The following RHOG variants were observed in gnomAD, a reference collection of about 807,000 sequenced individuals.
The protein encoded by RHOG is rho-related GTP-binding protein RhoG.
In RHOG, 1 loss-of-function variant was observed where a neutral mutation model predicts 12.3. The observed-to-expected ratio is 0.08, with a 90% CI of 0.03 to 0.39. The LOEUF (loss-of-function observed/expected upper bound fraction) is 0.39, where lower values mean the gene tolerates loss of function less well. RHOG is among the 10% of genes least tolerant of loss of function. RHOG has a pLI of 0.99. For synonymous variants in RHOG, 129 were observed against 116.0 expected (o/e 1.11, Z -0.72); for missense variants, 114 against 266.2 (o/e 0.43, Z 3.98).
intron 1 of RHOG, chr11:3,837,844 C>T (rs1772366233): frequency 6.6e-6 from 1 of 152,250 alleles, no homozygotes; most frequent in South Asian, 2.1e-4. Context: ...GCTCTCATGC[C>T]TAGCCCATCC....
intron 1 of RHOG, among the ~76,000 whole-genome samples, chr11:3,833,097 C>CTGTTT (rs1441449556): frequency 6.6e-6 from 1 of 152,012 alleles, no homozygotes; most frequent in Non-Finnish European, 1.5e-5. Context: ...GGTTGCCAAT[C>CTGTTT]TGTTTTGTTT....
At position 3,827,520 on chromosome 11, in the gene RHOG, G is replaced by T; in HGVS notation, c.*43C>A. The T allele has an allele frequency of 6.6e-7, 1 of 1,519,576 alleles. No individual in the cohort carries two copies. Among genetic ancestry groups the T allele is most frequent in the South Asian group, 1.1e-5 (1 of 87,018 alleles). The allele number at this position is 1,519,576 out of a possible 1,614,324, so 94.1% of individuals were successfully genotyped here. ...GCGGACAAGGCACCAAGGCACAACT[G>T]GTGGGGGGAGGGCAGGGGCAGCCTC... On this transcript the variant is annotated 3_prime_UTR_variant, in exon 2 of 2. Coordinates refer to ENST00000351018, the MANE Select transcript of RHOG (RefSeq NM_001665.4). This position sits in a 1 kb window ranked among gnomAD's most constrained non-coding sequence, Gnocchi z 7.3.
intron 1 of RHOG, among the ~76,000 whole-genome samples, chr11:3,837,519 G>C (rs57000758): frequency 0.13 from 19,903 of 152,108 alleles, 1,401 homozygotes; most frequent in Middle Eastern, 0.18. Flanking sequence ...CAGTCTCTTG[G>C]GGGAGGAAGA....
chr11:3,836,845 G>A (rs997231244), intron 1 of RHOG, among the ~76,000 whole-genome samples: 49 of 141,118 alleles, frequency 3.5e-4, no homozygotes, highest in Non-Finnish European at 1.4e-4. Flanking sequence ...GGAGGTTGTG[G>A]TGAGCTGAGA....
Position 3,829,252 on chromosome 11 carries a change from T to A in RHOG, c.-68-1046A>T, listed in dbSNP as rs371628771. Among the ~76,000 whole-genome samples the A allele has an allele frequency of 2.4e-3, 358 of 147,076 alleles. 4 individuals are homozygous for A. The highest frequency in any genetic ancestry group is 0.01 in the Middle Eastern group (3 of 288). On this transcript the variant is annotated intron_variant, in intron 1 of 1. Transcript: ENST00000351018. ...AGGGTATTCTGGCAATGGGGAAATTTTTTTTTTTTTTTTTTTTTGAGATGG... is the reference window on the plus strand; with the variant it reads ...AGGGTATTCTGGCAATGGGGAAATTATTTTTTTTTTTTTTTTTTGAGATGG...
chr11:3,829,182 TGAG>T (rs1212029615), intron 1 of RHOG, among the ~76,000 whole-genome samples: 1 of 151,836 alleles, frequency 6.6e-6, no homozygotes, highest in Non-Finnish European at 1.5e-5. Flanking sequence ...AGAAACCTGC[TGAG>T]TAAGGGGCTC....
At chr11:3,839,428 G>A (rs1784465692) in intron 1 of RHOG, among the ~76,000 whole-genome samples, 1 of 151,894 alleles carries the variant, frequency 6.6e-6, no homozygotes, top group South Asian at 2.1e-4. Flanking sequence ...TCAAGGCTGA[G>A]GGCAGTTATT....
rs778282172 is a variant in RHOG at position 3,827,842 on chromosome 11, T to C, written c.297A>G (p.Pro99=). The C allele has an allele frequency of 3.0e-5, 49 of 1,614,042 alleles. No homozygotes were observed. The highest frequency in any genetic ancestry group is 3.9e-5 in the Non-Finnish European group (46 of 1,180,004). ...CATCAGGGCAGTGGTGGCACACCTC[T>C]GGATGCCACTTGTGCCGCACGTTCT... ...SYENVRHKWH[P]EVCHHCPDVP... Residue 99 remains proline (P), a synonymous_variant, in exon 2 of 2, where the codon CCA becomes CCG. Coordinates refer to ENST00000351018, the MANE Select transcript of RHOG (RefSeq NM_001665.4). The surrounding 1 kb of genome is among the most constrained non-coding windows in gnomAD (Gnocchi z 7.3).
At position 3,828,065 on chromosome 11, in the gene RHOG, G is replaced by C. The variant is rs750677069; in HGVS notation, c.74C>G (p.Thr25Ser). Reference protein sequence around the residue: ...GKTCLLICYTTNAFPKEYIPT... With the variant: ...GKTCLLICYTSNAFPKEYIPT... ...GATGTACTCTTTGGGGAAAGCGTTA[G>C]TTGTGTAGCAGATGAGCAGGCACGT... is the stretch of plus-strand genomic sequence containing the variant. Residue 25 changes from threonine (T) to serine (S), a missense_variant, in exon 2 of 2, where the codon ACT becomes AGT. Physicochemically the swap from Thr to Ser is moderately conservative, Grantham distance 58 (BLOSUM62 1). Transcript: ENST00000351018. 3 of 1,614,164 alleles carry C rather than the reference G, an allele frequency of 1.9e-6. No homozygotes were observed. The East Asian group carries it at 6.7e-5, about 36-fold the overall frequency.
intron 1 of RHOG, among the ~76,000 whole-genome samples, chr11:3,831,995 C>G (rs1451720): frequency 0.64 from 97,633 of 151,866 alleles, 31,421 homozygotes; most frequent in Middle Eastern, 0.69. Flanking sequence ...GGAAGGACAG[C>G]GTAGCTTCCG....
At chr11:3,829,042 G>T (rs970125814) in intron 1 of RHOG, among the ~76,000 whole-genome samples, 1 of 151,556 alleles carries the variant, frequency 6.6e-6, no homozygotes, top group South Asian at 2.1e-4. Context: ...AAAGTGTTTT[G>T]GCACAGGACA....
chr11:3,827,454 TG>T lies in RHOG; in HGVS notation c.*108del. 2 of 884,218 alleles carry T rather than the reference TG, an allele frequency of 2.3e-6. No homozygotes were observed. The highest frequency in any genetic ancestry group is 1.7e-6 in the Non-Finnish European group (1 of 583,358). 54.8% of individuals were successfully genotyped at this position (884,218 alleles called of 1,614,324 possible). ...AGAAAAAGGCATTCAGGGAACCCCC[TG>T]GAAAGGGGTGCCAGAATTAGTCCTT... On this transcript the variant is annotated 3_prime_UTR_variant, in exon 2 of 2. Coordinates refer to ENST00000351018, the MANE Select transcript of RHOG (RefSeq NM_001665.4). This position sits in a 1 kb window ranked among gnomAD's most constrained non-coding sequence, Gnocchi z 7.3.
chr11:3,838,241 A>G (rs1227441322), intron 1 of RHOG, among the ~76,000 whole-genome samples: 2 of 152,060 alleles, frequency 1.3e-5, no homozygotes, highest in Non-Finnish European at 2.9e-5. Flanking sequence ...TTACCCCCCA[A>G]TATTTTCCCA....
Position 3,827,494 on chromosome 11 carries a change from G to A in RHOG, c.*69C>T, listed in dbSNP as rs933842080. 3.0e-6 allele frequency: 4 copies of A among 1,312,542 alleles called. No homozygotes were observed. Among genetic ancestry groups the A allele is most frequent in the Non-Finnish European group, 4.3e-6 (4 of 937,554 alleles). 81.3% of individuals were successfully genotyped at this position (1,312,542 alleles called of 1,614,324 possible). On this transcript the variant is annotated 3_prime_UTR_variant, in exon 2 of 2. Coordinates refer to ENST00000351018, the MANE Select transcript of RHOG (RefSeq NM_001665.4). The surrounding 1 kb of genome is among the most constrained non-coding windows in gnomAD (Gnocchi z 7.3). ...GAATTAGTCCTTAAGGCACAGCTGA[G>A]GCGGACAAGGCACCAAGGCACAACT...
intron 1 of RHOG, among the ~76,000 whole-genome samples, chr11:3,836,901 T>C (rs1258566801): frequency 7.1e-5 from 2 of 28,318 alleles, no homozygotes; most frequent in African/African-American, 2.4e-4. Flanking sequence ...AGACTCCATC[T>C]CAAAAAAAAA....
chr11:3,836,205 T>C (rs1243311847), intron 1 of RHOG, among the ~76,000 whole-genome samples: 1 of 149,922 alleles, frequency 6.7e-6, no homozygotes, highest in African/African-American at 2.5e-5. Context: ...ATACAAAAAT[T>C]AGCTGGGCGT....
At chr11:3,831,424 G>C (rs1414995456) in intron 1 of RHOG, among the ~76,000 whole-genome samples, 1 of 151,992 alleles carries the variant, frequency 6.6e-6, no homozygotes. Flanking sequence ...GTGTGTGTGT[G>C]TGTTTGTGCG....
intron 1 of RHOG, among the ~76,000 whole-genome samples, chr11:3,831,016 G>T (rs2090124620): frequency 6.6e-6 from 1 of 151,954 alleles, no homozygotes. Context: ...CCTGAGAGGG[G>T]GCAGCCCTGT....
chr11:3,828,856 G>C (rs187684968), intron 1 of RHOG, among the ~76,000 whole-genome samples: 5 of 151,810 alleles, frequency 3.3e-5, no homozygotes, highest in Admixed American at 6.6e-5. Context: ...TCCTGACCTC[G>C]TGATCCGCCC....
Sources: allele counts gnomAD v4.1 joint callset (sites outside exome capture counted in the v4.1 genomes callset), GRCh38; gene constraint gnomAD v4.1.1; non-coding constraint Gnocchi (gnomAD v3.1); transcripts MANE v1.5; gene names NCBI Gene and HGNC (gene_info 2026-07-23, HGNC 2026-07-21).